JAZF1: variants seen among roughly 807,000 people sequenced by gnomAD.
JAZF1 encodes the protein JAZF zinc finger 1.
In JAZF1, 8 loss-of-function variants were observed where a neutral mutation model predicts 26.4. The observed-to-expected ratio is 0.30, with a 90% CI of 0.18 to 0.55. The LOEUF (loss-of-function observed/expected upper bound fraction) is 0.55, where lower values mean the gene tolerates loss of function less well. Among genes scored for constraint, JAZF1 ranks in the 20% least tolerant of loss-of-function variants. The pLI is 0.94. For synonymous variants in JAZF1, 126 were observed against 122.3 expected, an observed-to-expected ratio of 1.03 and a Z score of -0.20; for missense variants, 199 against 322.0, an observed-to-expected ratio of 0.62 and a Z score of 2.92.
At chr7:28,096,732 T>G (rs920537898) in intron 1 of JAZF1, among the ~76,000 whole-genome samples, 1 of 152,124 alleles carries the variant, frequency 6.6e-6, no homozygotes, top group Non-Finnish European at 1.5e-5. Context: ...ATATCTCAAA[T>G]AAAGTAATGG....
chr7:28,029,880 A>T (rs779675705), intron 1 of JAZF1, among the ~76,000 whole-genome samples: 15 of 152,214 alleles, frequency 9.9e-5, no homozygotes, highest in Non-Finnish European at 1.8e-4. Flanking sequence ...GTTCAGACTC[A>T]GTAAAGTGCT....
chr7:28,052,325 G>A (rs1783630083), intron 1 of JAZF1, among the ~76,000 whole-genome samples: 1 of 152,192 alleles, frequency 6.6e-6, no homozygotes, highest in Admixed American at 6.6e-5. Context: ...TAGTGCCAAG[G>A]AAATTACATA....
chr7:28,158,186 C>CACACACAGAG (rs149643430), intron 1 of JAZF1, among the ~76,000 whole-genome samples: 149 of 143,414 alleles, frequency 1.0e-3, no homozygotes, highest in African/African-American at 2.6e-3. Context: ...CACACACACA[C>CACACACAGAG]AGAGAGAGAG....
chr7:28,031,004 C>G (rs1444161027), intron 1 of JAZF1, among the ~76,000 whole-genome samples: 4 of 152,154 alleles, frequency 2.6e-5, no homozygotes. Context: ...CCATAGTTCC[C>G]AGGCATCTCA....
intron 1 of JAZF1, among the ~76,000 whole-genome samples, chr7:28,090,444 A>G (rs1341565306): frequency 6.6e-6 from 1 of 152,260 alleles, no homozygotes; most frequent in Non-Finnish European, 1.5e-5. Context: ...AAACATTATT[A>G]AATCAAAGCA....
chr7:28,068,030 C>T (rs542709425), intron 1 of JAZF1, among the ~76,000 whole-genome samples: 1 of 152,246 alleles, frequency 6.6e-6, no homozygotes, highest in Admixed American at 6.5e-5. Flanking sequence ...TTTCCTGCCT[C>T]GGCCTCCGGA....
intron 1 of JAZF1, among the ~76,000 whole-genome samples, chr7:28,103,910 G>A (rs970657881): frequency 3.9e-5 from 6 of 152,116 alleles, no homozygotes; most frequent in African/African-American, 1.4e-4. Context: ...CTCTTCTCAA[G>A]GGCCACTGGC....
At chr7:27,937,212 C>T (rs566227544) in intron 2 of JAZF1, among the ~76,000 whole-genome samples, 2 of 152,308 alleles carry the variant, frequency 1.3e-5, no homozygotes, top group African/African-American at 4.8e-5. Context: ...ATGTCCACAA[C>T]ATTTACGCCT....
At chr7:28,170,337 A>ATGTGTGTGTGTGTG (rs61200785) in intron 1 of JAZF1, among the ~76,000 whole-genome samples, 16 of 98,470 alleles carry the variant, frequency 1.6e-4, no homozygotes, top group Non-Finnish European at 2.6e-4. Flanking sequence ...AGAAGTTGAT[A>ATGTGTGTGTGTGTG]TGTGTGTGTG....
intron 1 of JAZF1, among the ~76,000 whole-genome samples, chr7:27,993,796 G>T (rs11973418): frequency 0.068 from 10,387 of 152,176 alleles, 1,219 homozygotes; most frequent in African/African-American, 0.24. Flanking sequence ...AGGTACTGAC[G>T]ATCAAAGGGC....
intron 1 of JAZF1, among the ~76,000 whole-genome samples, chr7:28,118,792 A>ACACAAC (rs57963092): frequency 2.0e-4 from 28 of 139,092 alleles, no homozygotes; most frequent in African/African-American, 1.9e-4. Flanking sequence ...ACACACACAC[A>ACACAAC]ACACACACAC....
intron 1 of JAZF1, among the ~76,000 whole-genome samples, chr7:28,140,223 C>G (rs1415052045): frequency 6.6e-6 from 1 of 151,894 alleles, no homozygotes; most frequent in Admixed American, 6.6e-5. Flanking sequence ...GCTGGGATTA[C>G]AGGCGCCCAC....
At chr7:27,869,516 TCTC>T (rs1027423619) in intron 3 of JAZF1, among the ~76,000 whole-genome samples, 3 of 152,044 alleles carry the variant, frequency 2.0e-5, no homozygotes, top group African/African-American at 7.2e-5. Context: ...CCATCCCCCT[TCTC>T]CTCCCCATGC....
chr7:27,992,170 T>G lies in JAZF1; in HGVS notation c.116-189A>C, dbSNP rs73683926. ...CATAAATAACAAGATATTGCATTAC[T>G]TTTCAAGGGAATTCCAAACATCAAC... On this transcript the variant is annotated intron_variant, in intron 1 of 4. Transcript: ENST00000283928. 9.0e-3 allele frequency: 5,929 copies of G among 657,538 alleles called. 254 individuals are homozygous for G. The African/African-American group carries it at 0.094, about 10-fold the overall frequency. 40.7% of individuals were successfully genotyped at this position (657,538 alleles called of 1,614,324 possible).
chr7:28,110,609 G>A (rs10257107), intron 1 of JAZF1, among the ~76,000 whole-genome samples: 20,194 of 43,334 alleles, frequency 0.47, 5,977 homozygotes, highest in African/African-American at 0.62. Flanking sequence ...AAAGGAAAAG[G>A]AAAGGAAAAG....
chr7:28,011,808 C>T (rs1782804989), intron 1 of JAZF1, among the ~76,000 whole-genome samples: 1 of 152,076 alleles, frequency 6.6e-6, no homozygotes, highest in African/African-American at 2.4e-5. Context: ...TCTCAACGCC[C>T]TTTTATAATA....
chr7:27,930,861 A>G (rs1784679241), intron 2 of JAZF1, among the ~76,000 whole-genome samples: 1 of 152,206 alleles, frequency 6.6e-6, no homozygotes, highest in East Asian at 1.9e-4. Context: ...ATAAGTTGAC[A>G]AAACAATATG....
At chr7:27,953,250 A>T (rs1785040340) in intron 2 of JAZF1, among the ~76,000 whole-genome samples, 1 of 152,236 alleles carries the variant, frequency 6.6e-6, no homozygotes, top group Non-Finnish European at 1.5e-5. Flanking sequence ...CTGTAGGTGG[A>T]TAAATTTTAA....
intron 3 of JAZF1, among the ~76,000 whole-genome samples, chr7:27,856,495 T>C (rs1480048496): frequency 6.6e-6 from 1 of 152,200 alleles, no homozygotes; most frequent in Non-Finnish European, 1.5e-5. Context: ...GCTTTTATTC[T>C]CTTATCTGGC....
Sources: allele counts gnomAD v4.1 joint callset (sites outside exome capture counted in the v4.1 genomes callset), GRCh38; gene constraint gnomAD v4.1.1; transcripts MANE v1.5; gene names NCBI Gene and HGNC (gene_info 2026-07-23, HGNC 2026-07-21).